FSTL5: variants seen among roughly 807,000 people sequenced by gnomAD.
FSTL5 encodes follistatin like 5, also known as follistatin-related protein 5.
In FSTL5, 62 loss-of-function variants were observed where a neutral mutation model predicts 89.1. The observed-to-expected ratio is 0.70, with a 90% CI of 0.57 to 0.86. FSTL5 has a LOEUF of 0.86. Among genes scored for constraint, FSTL5 ranks in the 40% least tolerant of loss-of-function variants. The probability of loss-of-function intolerance (pLI) is 0.00; values close to 1 mark genes in which losing one functional copy is unlikely to be tolerated. For synonymous variants in FSTL5, 383 were observed against 346.2 expected (o/e 1.11, Z -1.18); for missense variants, 1,057 against 1,001.6 (o/e 1.06, Z -0.75).
intron 4 of FSTL5, among the ~76,000 whole-genome samples, chr4:161,873,360 C>T (rs1417394139): frequency 6.6e-6 from 1 of 151,954 alleles, no homozygotes; most frequent in African/African-American, 2.4e-5. Flanking sequence ...TATCAGTACG[C>T]CCTTTAGGGT....
intron 6 of FSTL5, among the ~76,000 whole-genome samples, chr4:161,664,069 G>A (rs1163750773): frequency 6.6e-6 from 1 of 152,208 alleles, no homozygotes; most frequent in Non-Finnish European, 1.5e-5. Flanking sequence ...GAGTCCCAGG[G>A]CCTGGCACAG....
intron 6 of FSTL5, among the ~76,000 whole-genome samples, chr4:161,699,400 A>T (rs1738296360): frequency 6.6e-6 from 1 of 152,180 alleles, no homozygotes; most frequent in Non-Finnish European, 1.5e-5. Context: ...ACATGGGTTC[A>T]TAGTCTTTTC....
chr4:162,116,834 G>A (rs1278492921), intron 1 of FSTL5, among the ~76,000 whole-genome samples: 2 of 152,162 alleles, frequency 1.3e-5, no homozygotes, highest in African/African-American at 4.8e-5. Context: ...TCCTCACCCT[G>A]TCCTAGAAAA....
chr4:161,772,294 G>C (rs527987037), intron 5 of FSTL5, among the ~76,000 whole-genome samples: 3 of 152,072 alleles, frequency 2.0e-5, no homozygotes, highest in Admixed American at 1.3e-4. Context: ...GCTAAGAATA[G>C]TTTGTAAATT....
chr4:162,023,059 C>G, intron 3 of FSTL5: 1 of 152,120 alleles, frequency 6.6e-6, no homozygotes, highest in East Asian at 1.9e-4. Flanking sequence ...CGAAACTACA[C>G]GTGTATCCCC....
intron 15 of FSTL5, among the ~76,000 whole-genome samples, chr4:161,412,289 A>C (rs1167403522): frequency 6.6e-6 from 1 of 152,148 alleles, no homozygotes; most frequent in Non-Finnish European, 1.5e-5. Flanking sequence ...ATGCAATGCC[A>C]TTCCAATCAA....
intron 3 of FSTL5, among the ~76,000 whole-genome samples, chr4:161,986,583 A>G (rs1462864557): frequency 6.6e-6 from 1 of 152,214 alleles, no homozygotes; most frequent in Non-Finnish European, 1.5e-5. Context: ...AGGAATATGT[A>G]TATGGATTAA....
intron 6 of FSTL5, among the ~76,000 whole-genome samples, chr4:161,754,045 T>A (rs1302456468): frequency 9.4e-5 from 8 of 85,052 alleles, no homozygotes; most frequent in South Asian, 5.8e-4. Context: ...CCGTCTCAAT[T>A]AAAAAAAAAA....
At chr4:162,108,161 C>A (rs572502272) in intron 2 of FSTL5, among the ~76,000 whole-genome samples, 1 of 152,126 alleles carries the variant, frequency 6.6e-6, no homozygotes, top group South Asian at 2.1e-4. Flanking sequence ...CCTCTCTTAT[C>A]TGTGGATTAT....
intron 1 of FSTL5, among the ~76,000 whole-genome samples, chr4:162,122,241 T>C (rs1731897458): frequency 6.6e-6 from 1 of 152,046 alleles, no homozygotes; most frequent in African/African-American, 2.4e-5. Flanking sequence ...GAAAGAACAA[T>C]AGGTTAAAAG....
intron 7 of FSTL5, among the ~76,000 whole-genome samples, chr4:161,611,685 A>G (rs1734659322): frequency 6.6e-6 from 1 of 152,210 alleles, no homozygotes; most frequent in South Asian, 2.1e-4. Context: ...CTAATTTTGT[A>G]GTGCAACAAT....
intron 3 of FSTL5, among the ~76,000 whole-genome samples, chr4:161,974,464 T>C (rs1289700975): frequency 2.2e-5 from 3 of 136,236 alleles, no homozygotes; most frequent in African/African-American, 8.4e-5. Flanking sequence ...TACAACTATC[T>C]GATCTTTGAC....
chr4:162,043,517 T>C (rs562900204), intron 2 of FSTL5, among the ~76,000 whole-genome samples: 2 of 152,188 alleles, frequency 1.3e-5, no homozygotes, highest in Admixed American at 1.3e-4. Context: ...TCAGTGTTGA[T>C]AGCTGTCAAC....
chr4:161,620,054 T>C (rs538256458), intron 7 of FSTL5, among the ~76,000 whole-genome samples: 65 of 151,104 alleles, frequency 4.3e-4, no homozygotes, highest in Middle Eastern at 3.4e-3. Context: ...ATGGATGAAA[T>C]TGGAAATCAT....
intron 3 of FSTL5, among the ~76,000 whole-genome samples, chr4:161,958,933 C>A (rs1735098559): frequency 6.6e-6 from 1 of 152,104 alleles, no homozygotes; most frequent in Non-Finnish European, 1.5e-5. Context: ...TTCCTAGATT[C>A]TCAGTTCTAT....
intron 7 of FSTL5, among the ~76,000 whole-genome samples, chr4:161,587,898 G>A (rs1176421092): frequency 6.6e-6 from 1 of 152,120 alleles, no homozygotes; most frequent in Non-Finnish European, 1.5e-5. Context: ...AACAGGCCAG[G>A]CACGGTGGCT....
At chr4:161,783,161 C>T (rs939642410) in intron 4 of FSTL5, among the ~76,000 whole-genome samples, 3 of 152,092 alleles carry the variant, frequency 2.0e-5, no homozygotes, top group African/African-American at 4.8e-5. Context: ...ATTTATTTTA[C>T]CCCCCAAAAA....
chr4:161,928,682 C>T (rs544412080), intron 3 of FSTL5, among the ~76,000 whole-genome samples: 13 of 151,712 alleles, frequency 8.6e-5, no homozygotes, highest in African/African-American at 2.4e-4. Context: ...ATTGATTGAG[C>T]GTATTTTCAT....
chr4:161,784,274 G>A (rs1363144634), intron 4 of FSTL5, among the ~76,000 whole-genome samples: 1 of 151,940 alleles, frequency 6.6e-6, no homozygotes, highest in Admixed American at 6.6e-5. Flanking sequence ...GGCCTTAACA[G>A]TTTTGATTGT....
Sources: allele counts gnomAD v4.1 joint callset (sites outside exome capture counted in the v4.1 genomes callset), GRCh38; gene constraint gnomAD v4.1.1; transcripts MANE v1.5; gene names NCBI Gene and HGNC (gene_info 2026-07-23, HGNC 2026-07-21).